DIAPH3: variants seen among roughly 807,000 people sequenced by gnomAD.
DIAPH3 encodes the protein diaphanous related formin 3.
Under a neutral mutation model 144.3 loss-of-function variants are expected in DIAPH3, and 117 were observed. The ratio of observed to expected loss-of-function variants is 0.81; its 90% confidence interval spans 0.70 to 0.95. DIAPH3 has a LOEUF of 0.95. DIAPH3 is among the 40% of genes least tolerant of loss of function. The pLI is 0.00. For synonymous variants in DIAPH3, 519 were observed against 488.9 expected (o/e 1.06, Z -0.81); for missense variants, 1,421 against 1,412.7 (o/e 1.01, Z -0.09).
intron 20 of DIAPH3, among the ~76,000 whole-genome samples, chr13:59,906,352 T>A (rs936257742): frequency 2.0e-5 from 3 of 152,204 alleles, no homozygotes; most frequent in Non-Finnish European, 4.4e-5. Flanking sequence ...TGAACATGCA[T>A]ACATTGGTAA....
intron 24 of DIAPH3, among the ~76,000 whole-genome samples, chr13:59,830,473 T>C (rs2041714539): frequency 6.6e-6 from 1 of 151,844 alleles, no homozygotes; most frequent in Admixed American, 6.6e-5. Context: ...TTTAATTTAG[T>C]GCAGTGTACA....
chr13:60,114,195 T>TG (rs1374006572), intron 2 of DIAPH3, among the ~76,000 whole-genome samples: 3 of 151,492 alleles, frequency 2.0e-5, no homozygotes, highest in Admixed American at 2.0e-4. Flanking sequence ...GGGCATTTTT[T>TG]TTTTCCTGAA....
intron 17 of DIAPH3, among the ~76,000 whole-genome samples, chr13:59,930,595 A>C (rs574424656): frequency 6.6e-6 from 1 of 152,184 alleles, no homozygotes; most frequent in African/African-American, 2.4e-5. Context: ...AAAATATTAA[A>C]CAGAAATAAA....
chr13:60,163,558 GCC>G, intron 1 of DIAPH3, 27 bp downstream of exon 1: 1 of 1,567,366 alleles, frequency 6.4e-7, no homozygotes, highest in Non-Finnish European at 8.7e-7. Context: ...GGCGGGAGCG[GCC>G]CCACCCTAGC....
chr13:60,126,896 T>TA (rs368642447), intron 2 of DIAPH3, among the ~76,000 whole-genome samples: 4 of 151,998 alleles, frequency 2.6e-5, no homozygotes, highest in African/African-American at 9.6e-5. Context: ...ATTTATAGCA[T>TA]AAAAAATCTA....
Position 60,020,407 on chromosome 13 carries a change from G to A in DIAPH3, c.627-4262C>T, listed in dbSNP as rs781680085. Among the ~76,000 whole-genome samples the A allele has an allele frequency of 1.2e-4, 18 of 152,152 alleles. No homozygotes were observed. The South Asian group carries it at 2.7e-3, about 23-fold the overall frequency. On this transcript the variant is annotated intron_variant, in intron 5 of 27. Transcript: ENST00000400324. ...ACCAAAGACAGGGTCTTACTCTGTC[G>A]CCCAGGCTGGAGTACAGTGACACAA...
chr13:59,976,963 T>C (rs1380080923), intron 14 of DIAPH3, among the ~76,000 whole-genome samples: 1 of 151,892 alleles, frequency 6.6e-6, no homozygotes, highest in African/African-American at 2.4e-5. Flanking sequence ...TCAACTAACA[T>C]GACTTCTTTG....
In DIAPH3 at chr13:60,080,091, T is replaced by A. The variant is rs17057597; in HGVS notation, c.495+13537A>T. 2.2e-3 allele frequency among the ~76,000 whole-genome samples: 340 copies of A among 152,044 alleles called. 1 individual carries two copies. Among genetic ancestry groups the A allele is most frequent in the African/African-American group, 6.1e-3 (254 of 41,546 alleles). ...TAACTCCAGGAAACAAAGTATAGTT[T>A]TAAGGGCTAAATAAGTTATTATAAA... On this transcript the variant is annotated intron_variant, in intron 4 of 27. Transcript: ENST00000400324.
intron 27 of DIAPH3, among the ~76,000 whole-genome samples, chr13:59,699,151 A>G (rs904310339): frequency 6.6e-6 from 1 of 152,224 alleles, no homozygotes; most frequent in South Asian, 2.1e-4. Flanking sequence ...CATATGTTAT[A>G]GGGTGGTCAG....
At chr13:59,842,419 T>G (rs1301645460) in intron 22 of DIAPH3, among the ~76,000 whole-genome samples, 1 of 152,166 alleles carries the variant, frequency 6.6e-6, no homozygotes, top group African/African-American at 2.4e-5. Context: ...ATAGATTGTT[T>G]GATTTTTTCT....
chr13:60,015,794 A>G (rs886792025), intron 7 of DIAPH3, 119 bp downstream of exon 7: 28 of 888,316 alleles, frequency 3.2e-5, no homozygotes, highest in Admixed American at 1.2e-4. Flanking sequence ...ATAAAATTCA[A>G]TATTTTTCCA....
intron 15 of DIAPH3, 131 bp downstream of exon 15, chr13:59,974,221 G>T: frequency 1.3e-6 from 1 of 745,406 alleles, no homozygotes; most frequent in Non-Finnish European, 2.3e-6. Flanking sequence ...GCAAAACACA[G>T]TACAAATAAT....
intron 24 of DIAPH3, among the ~76,000 whole-genome samples, chr13:59,814,064 T>C (rs919495802): frequency 6.6e-6 from 1 of 151,970 alleles, no homozygotes; most frequent in African/African-American, 2.4e-5. Flanking sequence ...TTGAGAGAAA[T>C]GAACAAGATG....
intron 27 of DIAPH3, among the ~76,000 whole-genome samples, chr13:59,711,241 C>G (rs2034719417): frequency 6.6e-6 from 1 of 152,118 alleles, no homozygotes. Context: ...GGAGCCCAAC[C>G]ACATTTAAAA....
chr13:60,105,114 A>C (rs890840326), intron 3 of DIAPH3, among the ~76,000 whole-genome samples: 1 of 150,704 alleles, frequency 6.6e-6, no homozygotes, highest in South Asian at 2.1e-4. Flanking sequence ...AAAAAAAAAA[A>C]AAAAAAAAAA....
At chr13:59,831,018 T>C (rs973814855) in intron 24 of DIAPH3, among the ~76,000 whole-genome samples, 2 of 151,652 alleles carry the variant, frequency 1.3e-5, no homozygotes, top group Non-Finnish European at 2.9e-5. Context: ...TTAGAGAAGA[T>C]TATATGGGTT....
intron 12 of DIAPH3, among the ~76,000 whole-genome samples, chr13:59,984,744 C>A (rs1356192512): frequency 3.4e-4 from 47 of 137,128 alleles, no homozygotes; most frequent in Non-Finnish European, 6.4e-4. Context: ...CATTCCTCGA[C>A]ACATACACTC....
At position 59,951,152 on chromosome 13, in the gene DIAPH3, T is replaced by C. The variant is rs151172519; in HGVS notation, c.2074+18792A>G. Among the ~76,000 whole-genome samples, 51 of 152,236 alleles carry C rather than the reference T, an allele frequency of 3.4e-4. No homozygotes were observed. The East Asian group carries it at 9.1e-3, about 27-fold the overall frequency. On this transcript the variant is annotated intron_variant, in intron 17 of 27. Transcript: ENST00000400324. ...AAATCTCCTATTGTAGTTCCCATAA[T>C]CCTCATATGTTGTGGTTGGGACCCA...
At chr13:60,047,766 A>G (rs1036072262) in intron 4 of DIAPH3, among the ~76,000 whole-genome samples, 1 of 152,246 alleles carries the variant, frequency 6.6e-6, no homozygotes, top group Non-Finnish European at 1.5e-5. Flanking sequence ...AAACTAAAAT[A>G]TTGTACCTCA....
Sources: gnomAD v4.1 joint callset for allele counts (sites outside exome capture counted in the v4.1 genomes callset) on GRCh38, gnomAD v4.1.1 for gene constraint, MANE v1.5 for transcripts, NCBI Gene and HGNC (gene_info 2026-07-23, HGNC 2026-07-21) for gene names.